ARSL: variants seen among roughly 807,000 people sequenced by gnomAD.
ARSL encodes the protein arylsulfatase E (chondrodysplasia punctata 1).
In ARSL, 4 loss-of-function variants were observed where a neutral mutation model predicts 31.1. The ratio of observed to expected loss-of-function variants is 0.13; its 90% CI spans 0.06 to 0.29. The LOEUF (loss-of-function observed/expected upper bound fraction) is 0.29. Ranked by LOEUF, ARSL falls within the 10% of genes least tolerant of loss-of-function variation. The pLI, the probability that ARSL is intolerant of heterozygous loss-of-function variation, is 1.00. For missense variants in ARSL, 312 were observed against 497.8 expected (o/e 0.63, Z 3.55); for synonymous variants, 198 against 209.9 (o/e 0.94, Z 0.49).
upstream of ARSL, among the ~76,000 whole-genome samples, chrX:2,964,808 A>C (rs1164438911): frequency 2.7e-5 from 3 of 111,621 alleles, no homozygotes; most frequent in African/African-American, 9.8e-5. Flanking sequence ...GTCTCTTCAA[A>C]AATAAAAAAT....
At chrX:2,941,263 T>C (rs1317475857) in intron 8 of ARSL, among the ~76,000 whole-genome samples, 2 of 59,833 alleles carry the variant, frequency 3.3e-5, no homozygotes, top group African/African-American at 8.9e-5. Flanking sequence ...TTTTTTTTTT[T>C]TTTTTTTTTG....
chrX:2,962,333 G>A (rs1417227064), intron 1 of ARSL, among the ~76,000 whole-genome samples: 1 of 111,989 alleles, frequency 8.9e-6, no homozygotes, highest in Non-Finnish European at 1.9e-5. Context: ...ATGCATAGAA[G>A]ATAAAGAGAC....
chrX:2,966,787 A>G (rs967023351), upstream of ARSL, among the ~76,000 whole-genome samples: 7 of 109,202 alleles, frequency 6.4e-5, no homozygotes, highest in African/African-American at 2.3e-4. Context: ...GTACACATCT[A>G]CATATAAATA....
At chrX:2,962,545 A>G (rs1441719276) in intron 1 of ARSL, among the ~76,000 whole-genome samples, 1 of 105,733 alleles carries the variant, frequency 9.5e-6, no homozygotes, top group East Asian at 3.4e-4. Flanking sequence ...GAGGGCAGAG[A>G]GGAGGGGTGG....
chrX:2,955,377 C>A (rs1443446544), intron 4 of ARSL, 39 bp downstream of exon 4: 3 of 1,207,044 alleles, frequency 2.5e-6, no homozygotes, highest in Non-Finnish European at 2.2e-6. Flanking sequence ...GACGAATACA[C>A]CAGGCTGCAC....
At chrX:2,966,796 T>C (rs977325392), upstream of ARSL, among the ~76,000 whole-genome samples, 1 of 109,146 alleles carries the variant, frequency 9.2e-6, no homozygotes, top group Non-Finnish European at 1.9e-5. Context: ...TACATATAAA[T>C]ACATGTTATA....
chrX:2,944,482 A>AC (rs2089342014), intron 7 of ARSL, among the ~76,000 whole-genome samples: 2 of 108,432 alleles, frequency 1.8e-5, no homozygotes, highest in African/African-American at 6.9e-5. Flanking sequence ...ACAAAAAAAA[A>AC]AAAACAAAAC....
At chrX:2,965,832 C>T (rs962180411), upstream of ARSL, among the ~76,000 whole-genome samples, 3 of 112,144 alleles carry the variant, frequency 2.7e-5, no homozygotes, top group African/African-American at 9.7e-5. Context: ...ACCCGGGAGA[C>T]GGAGCTTGCA....
chrX:2,950,711 A>G (rs952402165), intron 5 of ARSL, among the ~76,000 whole-genome samples: 3 of 112,069 alleles, frequency 2.7e-5, no homozygotes, highest in African/African-American at 9.7e-5. Context: ...CTGGAAGTCC[A>G]TTAAACCTCT....
chrX:2,958,158 G>A, intron 3 of ARSL, 116 bp downstream of exon 3: 1 of 1,010,066 alleles, frequency 9.9e-7, no homozygotes, highest in Non-Finnish European at 1.4e-6. Flanking sequence ...ACGCAGAAGT[G>A]CAGAACTCTT....
At position 2,943,227 on chromosome X, in the gene ARSL, G is replaced by A. The variant is rs370871008; in HGVS notation, c.992-28C>T. ...GCAAAGAACAGATGTTTTTGGGGCC[G>A]TCGAAATGGAAAAATATCAGAAATG... On this transcript the variant is annotated intron_variant, in intron 7 of 10. Transcript: ENST00000381134. 68 of 1,205,544 alleles carry A rather than the reference G, an allele frequency of 5.6e-5. No homozygotes were observed. In the African/African-American group the frequency reaches 7.4e-4, roughly 13 times the overall value.
chrX:2,947,991 G>C (rs1427652308), intron 6 of ARSL, among the ~76,000 whole-genome samples: 1 of 112,261 alleles, frequency 8.9e-6, no homozygotes, highest in African/African-American at 3.2e-5. Context: ...GCATGGTGGT[G>C]CATGCCTGTA....
chrX:2,964,409 C>G (rs913550732), upstream of ARSL: 22 of 748,425 alleles, frequency 2.9e-5, no homozygotes, highest in Non-Finnish European at 3.3e-5. Flanking sequence ...ACTCCCCCCA[C>G]ATCGCAGCAT....
intron 2 of ARSL, 132 bp downstream of exon 2, chrX:2,960,246 G>C (rs2089600657): frequency 3.5e-6 from 1 of 289,429 alleles, no homozygotes; most frequent in Admixed American, 7.1e-5. Flanking sequence ...TCCAGCCTGG[G>C]CGACAGAGTG....
At chrX:2,967,996 G>T (rs759896984), upstream of ARSL, among the ~76,000 whole-genome samples, 254 of 112,150 alleles carry the variant, frequency 2.3e-3, 1 homozygote, top group African/African-American at 8.1e-3. Flanking sequence ...TTTCACTGAT[G>T]ATTATTATTA....
At chrX:2,947,185 AAAATAAAT>A (rs771682298) in intron 6 of ARSL, among the ~76,000 whole-genome samples, 1 of 110,747 alleles carries the variant, frequency 9.0e-6, no homozygotes, top group Admixed American at 9.7e-5. Flanking sequence ...ATCCTGTCTC[AAAATAAAT>A]AAATAAATAA....
chrX:2,959,581 G>C, intron 2 of ARSL: 1 of 1,137,760 alleles, frequency 8.8e-7, no homozygotes, highest in South Asian at 2.0e-5. Context: ...ACACCTGGCC[G>C]ATGGTAGCGG....
At chrX:2,959,509 G>T (rs867221183) in intron 2 of ARSL, 1 of 1,046,631 alleles carries the variant, frequency 9.6e-7, no homozygotes, top group Non-Finnish European at 1.2e-6. Context: ...ATGCAGTAAA[G>T]ATGTAATCTG....
At chrX:2,961,249 G>C (rs982813809) in intron 1 of ARSL, among the ~76,000 whole-genome samples, 28 of 111,301 alleles carry the variant, frequency 2.5e-4, no homozygotes, top group Non-Finnish European at 4.7e-4. Context: ...CGAGAAGTGA[G>C]GGAGAGCCCA....
Sources: gnomAD v4.1 joint callset for allele counts (sites outside exome capture counted in the v4.1 genomes callset) on GRCh38, gnomAD v4.1.1 for gene constraint, MANE v1.5 for transcripts, NCBI Gene and HGNC (gene_info 2026-07-23, HGNC 2026-07-21) for gene names.